The following ARHGAP8 variants were observed in gnomAD, a reference collection of about 807,000 sequenced individuals.
ARHGAP8 encodes the protein rho GTPase-activating protein 8.
ARHGAP8 carries 62 observed loss-of-function variants against 46.1 expected under a neutral mutation model. That is an observed-to-expected ratio of 1.34 (90% confidence interval 1.10 to 1.66). The LOEUF (loss-of-function observed/expected upper bound fraction) is 1.66. Ranked by LOEUF, ARHGAP8 falls within the 40% of genes most tolerant of loss-of-function variation. The pLI is 0.00. For missense variants in ARHGAP8, 923 were observed against 568.4 expected (o/e 1.62, Z -6.34); for synonymous variants, 375 against 243.1 (o/e 1.54, Z -5.05).
intron 4 of ARHGAP8, chr22:44,808,844 G>T (rs1340719613): frequency 5.4e-6 from 2 of 367,128 alleles, no homozygotes; most frequent in Admixed American, 7.2e-5. Context: ...AACAGAGACA[G>T]TCTCGCCCTG....
rs373146785 is a variant in ARHGAP8 at position 44,848,937 on chromosome 22, C to T, written c.754C>T (p.Pro252Ser). 4 of 1,614,090 alleles carry T rather than the reference C, an allele frequency of 2.5e-6. No homozygotes were observed. The South Asian group carries it at 4.4e-5, about 18-fold the overall frequency. Residue 252 changes from proline to serine, a missense_variant, in exon 10 of 12, where the codon CCC (proline) becomes TCC (serine). Pro to Ser is a moderately conservative substitution (Grantham distance 74). Transcript: ENST00000356099. ...GTGCTGTGTTGTGTGTGCAGGGAAGCCCGTGAACTTTGACGACTACGGGGA... is the reference window on the plus strand; with the variant it reads ...GTGCTGTGTTGTGTGTGCAGGGAAGTCCGTGAACTTTGACGACTACGGGGA... ...EIQRLYNQGK[P>S]VNFDDYGDIH... is the part of the protein sequence containing the mutation.
At chr22:44,805,734 T>C (rs2147087109) in intron 3 of ARHGAP8, among the ~76,000 whole-genome samples, 1 of 152,318 alleles carries the variant, frequency 6.6e-6, no homozygotes, top group South Asian at 2.1e-4. Context: ...TCGGCCTTGA[T>C]AAGAAGAGCC....
At chr22:44,856,498 T>C (rs561785687) in intron 10 of ARHGAP8, among the ~76,000 whole-genome samples, 1 of 152,198 alleles carries the variant, frequency 6.6e-6, no homozygotes, top group South Asian at 2.1e-4. Flanking sequence ...GGTCTTGAAC[T>C]CCTGATCTCA....
chr22:44,860,072 T>C (rs1208996841), intron 11 of ARHGAP8, among the ~76,000 whole-genome samples: 1 of 152,158 alleles, frequency 6.6e-6, no homozygotes, highest in Non-Finnish European at 1.5e-5. Context: ...CTGTACCTGC[T>C]GTCCCTCAGC....
chr22:44,823,782 GT>G (rs2147119472), intron 6 of ARHGAP8, among the ~76,000 whole-genome samples: 1 of 152,284 alleles, frequency 6.6e-6, no homozygotes, highest in African/African-American at 2.4e-5. Context: ...GACGGCATCT[GT>G]GAAACACGCA....
chr22:44,822,252 T>A (rs1249972121), intron 5 of ARHGAP8, 119 bp from the exon 6 acceptor site: 7 of 815,840 alleles, frequency 8.6e-6, no homozygotes, highest in Non-Finnish European at 1.3e-5. Context: ...GCGTTTACAT[T>A]TTCTTAATAT....
chr22:44,820,204 G>A (rs1052946999), intron 5 of ARHGAP8, among the ~76,000 whole-genome samples: 5 of 152,194 alleles, frequency 3.3e-5, no homozygotes, highest in Non-Finnish European at 7.3e-5. Context: ...CTGGCCTGTG[G>A]GCCCTTTCCC....
intron 1 of ARHGAP8, among the ~76,000 whole-genome samples, chr22:44,754,248 T>C (rs1234388813): frequency 6.6e-6 from 1 of 152,108 alleles, no homozygotes; most frequent in Non-Finnish European, 1.5e-5. Context: ...CTAGGGATAC[T>C]TCGCTTGTGA....
At chr22:44,772,025 GT>G (rs1435140310) in intron 1 of ARHGAP8, among the ~76,000 whole-genome samples, 6 of 152,072 alleles carry the variant, frequency 3.9e-5, no homozygotes, top group Non-Finnish European at 8.8e-5. Context: ...TCTGTATGAT[GT>G]TAGCTGTAGA....
intron 4 of ARHGAP8, among the ~76,000 whole-genome samples, chr22:44,812,602 G>T (rs147570402): frequency 6.6e-6 from 1 of 152,062 alleles, no homozygotes; most frequent in Admixed American, 6.5e-5. Context: ...TGATCCGCCC[G>T]CCTCAGCCTC....
chr22:44,794,758 T>A (rs1342616682), intron 2 of ARHGAP8, among the ~76,000 whole-genome samples: 1 of 151,174 alleles, frequency 6.6e-6, no homozygotes, highest in Non-Finnish European at 1.5e-5. Context: ...AATTTTCAAA[T>A]GCTACAGATG....
chr22:44,786,912 G>A (rs1346944031), intron 2 of ARHGAP8, among the ~76,000 whole-genome samples: 6 of 151,970 alleles, frequency 3.9e-5, no homozygotes, highest in East Asian at 3.9e-4. Context: ...AGCTACTTGC[G>A]GGGCTGAGGT....
chr22:44,821,158 A>T (rs139776353), intron 5 of ARHGAP8, among the ~76,000 whole-genome samples: 1 of 152,188 alleles, frequency 6.6e-6, no homozygotes. Flanking sequence ...TTGGCCAGGC[A>T]CGGTGGCTCA....
intron 7 of ARHGAP8, among the ~76,000 whole-genome samples, chr22:44,837,884 T>G (rs1206435007): frequency 6.6e-6 from 1 of 152,164 alleles, no homozygotes; most frequent in Non-Finnish European, 1.5e-5. Context: ...GGCCAGTCCC[T>G]CCTCTTTGGG....
chr22:44,820,950 C>T (rs907890775), intron 5 of ARHGAP8, among the ~76,000 whole-genome samples: 25 of 152,122 alleles, frequency 1.6e-4, no homozygotes, highest in Non-Finnish European at 2.2e-4. Flanking sequence ...TCATGATCTC[C>T]GTATTTTTTG....
Position 44,794,321 on chromosome 22 carries a change from G to T in ARHGAP8, c.79+7715G>T, listed in dbSNP as rs369478386. ...TTCCGTATTGCAGATGACCAAAGAG[G>T]CGCCAGCCCAGCTCAGCCAGGGATT... On this transcript the variant is annotated intron_variant, in intron 2 of 11. Coordinates refer to ENST00000356099, the MANE Select transcript of ARHGAP8 (RefSeq NM_181335.3). 3.0e-4 allele frequency among the ~76,000 whole-genome samples: 46 copies of T among 152,312 alleles called. 1 individual carries two copies. In the East Asian group the frequency reaches 6.2e-3, roughly 20 times the overall value.
At chr22:44,818,053 G>A (rs1929874448) in intron 5 of ARHGAP8, among the ~76,000 whole-genome samples, 1 of 152,184 alleles carries the variant, frequency 6.6e-6, no homozygotes, top group Non-Finnish European at 1.5e-5. Context: ...GGCAGAGACT[G>A]AAGTGAGCTG....
chr22:44,766,456 CTG>C (rs1051499782), intron 1 of ARHGAP8, among the ~76,000 whole-genome samples: 14 of 151,504 alleles, frequency 9.2e-5, no homozygotes, highest in South Asian at 6.3e-4. Context: ...ATGTGTGTCT[CTG>C]TGTACGTGTC....
At chr22:44,781,124 G>C (rs185235768) in intron 1 of ARHGAP8, among the ~76,000 whole-genome samples, 6,818 of 152,236 alleles carry the variant, frequency 0.045, 145 homozygotes, top group South Asian at 0.072. Flanking sequence ...GAAATAACCA[G>C]AGGCGATCTT....
Sources: allele counts gnomAD v4.1 joint callset (sites outside exome capture counted in the v4.1 genomes callset), GRCh38; gene constraint gnomAD v4.1.1; transcripts MANE v1.5; gene names NCBI Gene and HGNC (gene_info 2026-07-23, HGNC 2026-07-21).